Variants in TANC2 observed in about 807,000 individuals in gnomAD.
TANC2 encodes protein TANC2.
In TANC2, 26 loss-of-function variants were observed where a neutral mutation model predicts 210.5. The ratio of observed to expected loss-of-function variants is 0.12; its 90% confidence interval spans 0.09 to 0.17. The LOEUF (loss-of-function observed/expected upper bound fraction) is 0.17. TANC2 is among the 10% of genes least tolerant of loss of function. The pLI is 1.00. For synonymous variants in TANC2, 931 were observed against 967.1 expected, an observed-to-expected ratio of 0.96 and a Z score of 0.69; for missense variants, 2,129 against 2,608.9, an observed-to-expected ratio of 0.82 and a Z score of 4.01.
intron 1 of TANC2, among the ~76,000 whole-genome samples, chr17:62,987,795 G>C (rs939825095): frequency 3.4e-4 from 52 of 152,114 alleles, no homozygotes; most frequent in Admixed American, 3.4e-3. Context: ...CTTGTGGTGG[G>C]TGGGAAGTGC....
At chr17:63,394,581 C>G (rs867367773) in intron 17 of TANC2, among the ~76,000 whole-genome samples, 1 of 152,232 alleles carries the variant, frequency 6.6e-6, no homozygotes, top group Non-Finnish European at 1.5e-5. Context: ...TATCCATGCT[C>G]TGTCCCAAAA....
At chr17:63,354,995 A>G (rs372841774) in exon 14 of TANC2, 6 of 1,613,892 alleles carry the variant, frequency 3.7e-6, no homozygotes, top group Non-Finnish European at 5.1e-6. Context: ...GGTCCTATCT[A>G]TATCTGAAAC....
intron 15 of TANC2, among the ~76,000 whole-genome samples, chr17:63,382,506 C>A (rs1363118340): frequency 1.3e-5 from 2 of 152,150 alleles, no homozygotes; most frequent in Non-Finnish European, 2.9e-5. Context: ...TCCTATTCCT[C>A]TTTAATTGCA....
intron 14 of TANC2, 118 bp downstream of exon 14, chr17:63,355,508 CTG>C (rs2046755525): frequency 1.7e-6 from 2 of 1,145,432 alleles, no homozygotes; most frequent in East Asian, 2.6e-5. Flanking sequence ...GAGACATCAT[CTG>C]TGTTTCTTCT....
At chr17:63,335,370 T>C (rs924604246) in intron 11 of TANC2, among the ~76,000 whole-genome samples, 2 of 151,968 alleles carry the variant, frequency 1.3e-5, no homozygotes, top group Admixed American at 6.6e-5. Context: ...CCCAACACTT[T>C]GGGAGGCCGA....
intron 4 of TANC2, among the ~76,000 whole-genome samples, chr17:63,105,213 G>C (rs1048874250): frequency 4.6e-5 from 7 of 151,556 alleles, no homozygotes; most frequent in African/African-American, 1.7e-4. Flanking sequence ...ATAAAAAATG[G>C]CCTGATTTTC....
chr17:63,284,202 C>G (rs1190555704), intron 9 of TANC2, among the ~76,000 whole-genome samples: 1 of 151,810 alleles, frequency 6.6e-6, no homozygotes, highest in Non-Finnish European at 1.5e-5. Context: ...TCCTCAACAT[C>G]AATAGAAGTT....
intron 8 of TANC2, among the ~76,000 whole-genome samples, 192 bp downstream of exon 8, chr17:63,238,269 T>A (rs2042677670): frequency 6.6e-6 from 1 of 152,152 alleles, no homozygotes; most frequent in African/African-American, 2.4e-5. Flanking sequence ...AGGTTCATCT[T>A]CCTCGAGTGA....
At chr17:63,232,714 G>T (rs1197058660) in intron 7 of TANC2, among the ~76,000 whole-genome samples, 1 of 152,358 alleles carries the variant, frequency 6.6e-6, no homozygotes, top group South Asian at 2.1e-4. Flanking sequence ...CCTGTTGGGG[G>T]TTCTCACCCA....
chr17:63,163,858 T>G (rs2040111973), intron 5 of TANC2, among the ~76,000 whole-genome samples: 1 of 152,226 alleles, frequency 6.6e-6, no homozygotes, highest in African/African-American at 2.4e-5. Context: ...TAGTCCAAGA[T>G]AGTAACTGGG....
Position 63,107,383 on chromosome 17 carries a change from A to ATATTTATAAAT in TANC2, c.322+8026_322+8027insTATTTATAAAT, listed in dbSNP as rs1266642241. The stretch of plus-strand genomic sequence containing the variant: ...TTGCAATAATATTAAACACAAATAA[A>ATATTTATAAAT]AAAGTTTTATTTGATATTTTATGCA... On this transcript the variant is annotated intron_variant, in intron 4 of 27. Transcript: ENST00000689528. Among the ~76,000 whole-genome samples, 7 of 151,872 alleles carry ATATTTATAAAT rather than the reference A, an allele frequency of 4.6e-5. No homozygotes were observed. In the East Asian group the frequency reaches 1.3e-3, roughly 29 times the overall value.
intron 2 of TANC2, among the ~76,000 whole-genome samples, chr17:63,044,932 T>C (rs2035321505): frequency 6.6e-6 from 1 of 152,200 alleles, no homozygotes; most frequent in Non-Finnish European, 1.5e-5. Context: ...GTCTTTTTCT[T>C]ATTGATTTAT....
intron 1 of TANC2, among the ~76,000 whole-genome samples, chr17:63,005,409 T>C (rs772522702): frequency 1.3e-5 from 2 of 152,172 alleles, no homozygotes; most frequent in Non-Finnish European, 2.9e-5. Context: ...TTTTCAACAT[T>C]GCTTTGGTGT....
At chr17:63,399,416 A>C (rs1174413024) in intron 19 of TANC2, 2 of 152,322 alleles carry the variant, frequency 1.3e-5, no homozygotes, top group Non-Finnish European at 2.9e-5. Flanking sequence ...TAAAGTTGCT[A>C]TCTGGATGCA....
At chr17:63,271,439 T>TC (rs1480746503) in intron 9 of TANC2, among the ~76,000 whole-genome samples, 1 of 150,372 alleles carries the variant, frequency 6.7e-6, no homozygotes, top group African/African-American at 2.4e-5. Context: ...TCTTTTTCTT[T>TC]TTTTTTTTTT....
chr17:63,265,471 A>G lies in TANC2; in HGVS notation c.1034-2277A>G, dbSNP rs2043495766. Among the ~76,000 whole-genome samples, 4 of 152,302 alleles carry G rather than the reference A, an allele frequency of 2.6e-5. No homozygotes were observed. The South Asian group carries it at 8.3e-4, about 32-fold the overall frequency. On this transcript the variant is annotated intron_variant, in intron 8 of 27. Transcript: ENST00000689528. The stretch of plus-strand genomic sequence containing the variant: ...TGCTGTGGAATACATATGAATTGGA[A>G]TCTATATCTGTGAAAAGTAGGATAT...
At chr17:63,013,079 G>A (rs968281675) in intron 2 of TANC2, among the ~76,000 whole-genome samples, 16 of 146,216 alleles carry the variant, frequency 1.1e-4, no homozygotes, top group African/African-American at 4.0e-4. Flanking sequence ...TTTTTTTTAA[G>A]AGATGGGGTC....
chr17:63,424,056 C>T (rs988615757), exon 28 of TANC2: 6 of 152,178 alleles, frequency 3.9e-5, no homozygotes, highest in Admixed American at 2.0e-4. Flanking sequence ...TCCTTAAAAC[C>T]GCCTCTCGCT....
chr17:62,972,801 C>G (rs2031776726), intron 1 of TANC2, among the ~76,000 whole-genome samples: 1 of 152,102 alleles, frequency 6.6e-6, no homozygotes, highest in Admixed American at 6.5e-5. Flanking sequence ...GTGTGTGGTT[C>G]CTTCAGTATG....
Sources: gnomAD v4.1 joint callset for allele counts (sites outside exome capture counted in the v4.1 genomes callset) on GRCh38, gnomAD v4.1.1 for gene constraint, MANE v1.5 for transcripts, NCBI Gene and HGNC (gene_info 2026-07-23, HGNC 2026-07-21) for gene names.